The following CDK8 variants were observed in gnomAD, a reference collection of about 807,000 sequenced individuals.
CDK8 encodes cyclin-dependent kinase 8.
In CDK8, 29 loss-of-function variants were observed where a neutral mutation model predicts 71.5. That is an observed-to-expected ratio of 0.41 (90% CI 0.30 to 0.55). The LOEUF (loss-of-function observed/expected upper bound fraction) is 0.55, where lower values mean the gene tolerates loss of function less well. CDK8 is among the 20% of genes least tolerant of loss of function. The probability of loss-of-function intolerance (pLI) is 0.37; values close to 1 mark genes in which losing one functional copy is unlikely to be tolerated. For missense variants in CDK8, 288 were observed against 572.6 expected, an observed-to-expected ratio of 0.50 and a Z score of 5.07; for synonymous variants, 161 against 192.1, an observed-to-expected ratio of 0.84 and a Z score of 1.34.
chr13:26,400,637 C>G, intron 10 of CDK8, 87 bp downstream of exon 10: 1 of 813,744 alleles, frequency 1.2e-6, no homozygotes, highest in Admixed American at 1.9e-5. Flanking sequence ...AGTTGCTCCT[C>G]CTCTTATATG....
chr13:26,280,045 G>T (rs1006492832), intron 1 of CDK8, among the ~76,000 whole-genome samples: 2 of 151,816 alleles, frequency 1.3e-5, no homozygotes, highest in Non-Finnish European at 2.9e-5. Flanking sequence ...ATATATAGAT[G>T]TTTATTATAC....
chr13:26,312,243 A>T (rs1874317878), intron 1 of CDK8, among the ~76,000 whole-genome samples: 1 of 152,202 alleles, frequency 6.6e-6, no homozygotes, highest in Non-Finnish European at 1.5e-5. Context: ...CAATCAGCAG[A>T]ATGTGGGTGG....
At chr13:26,290,618 G>A (rs1430430509) in intron 1 of CDK8, among the ~76,000 whole-genome samples, 1 of 152,122 alleles carries the variant, frequency 6.6e-6, no homozygotes, top group Non-Finnish European at 1.5e-5. Context: ...TAGATTTCTT[G>A]AAGGTTACTT....
chr13:26,295,170 G>A lies in CDK8; in HGVS notation c.128+40401G>A, dbSNP rs372106059. ...CTAGGAAATGTATTAATACTTAAGA[G>A]TAAAGTACCAAAACATTGACTGTAT... On this transcript the variant is annotated intron_variant, in intron 1 of 12. Transcript: ENST00000381527. Among the ~76,000 whole-genome samples, 453 of 152,244 alleles carry A rather than the reference G, an allele frequency of 3.0e-3. 2 individuals carry two copies. Among genetic ancestry groups the A allele is most frequent in the Non-Finnish European group, 4.3e-3 (294 of 68,012 alleles).
chr13:26,353,721 A>T lies in CDK8; in HGVS notation c.316-19A>T, dbSNP rs1026178594. ...TTCCTTTTTTTAAGCTTCTGTTGAT[A>T]TTTTTTTCTTTCTTTCAGCATATAA... On this transcript the variant is annotated intron_variant, in intron 3 of 12. Coordinates refer to ENST00000381527, the MANE Select transcript of CDK8 (RefSeq NM_001260.3). 37 of 1,577,942 alleles carry T rather than the reference A, an allele frequency of 2.3e-5. No homozygotes were observed. The highest frequency in any genetic ancestry group is 3.0e-5 in the Non-Finnish European group (35 of 1,159,008).
chr13:26,289,082 G>A (rs1873170943), intron 1 of CDK8, among the ~76,000 whole-genome samples: 1 of 103,162 alleles, frequency 9.7e-6, no homozygotes, highest in Non-Finnish European at 1.8e-5. Context: ...TTTTGAGACA[G>A]TCTTGCTCTG....
At chr13:26,340,127 T>C (rs1873179067) in intron 2 of CDK8, among the ~76,000 whole-genome samples, 2 of 152,186 alleles carry the variant, frequency 1.3e-5, no homozygotes, top group South Asian at 4.1e-4. Context: ...TTGAATTTTA[T>C]CAAATGCTTT....
At chr13:26,288,352 T>C (rs184930489) in intron 1 of CDK8, among the ~76,000 whole-genome samples, 12 of 152,260 alleles carry the variant, frequency 7.9e-5, no homozygotes, top group African/African-American at 2.6e-4. Context: ...GTTTTTTACA[T>C]TTAGAGTTTT....
chr13:26,402,898 A>G (rs1420043360), intron 12 of CDK8, among the ~76,000 whole-genome samples: 2 of 152,138 alleles, frequency 1.3e-5, no homozygotes, highest in African/African-American at 4.8e-5. Flanking sequence ...TGTGACTATC[A>G]TTTCATGTGT....
At chr13:26,346,046 G>A (rs2137987151) in intron 2 of CDK8, among the ~76,000 whole-genome samples, 1 of 152,274 alleles carries the variant, frequency 6.6e-6, no homozygotes, top group Middle Eastern at 3.4e-3. Flanking sequence ...CTCTTGGGAG[G>A]TATTGGTATT....
intron 1 of CDK8, among the ~76,000 whole-genome samples, chr13:26,289,292 A>C (rs948957713): frequency 2.6e-5 from 4 of 151,914 alleles, no homozygotes; most frequent in African/African-American, 9.7e-5. Context: ...TGACCTCGTG[A>C]ACCGCCTGCC....
rs1876419459 is a variant in CDK8 at position 26,404,447 on chromosome 13, TAAC to T, written c.*371_*373del. On this transcript the variant is annotated 3_prime_UTR_variant, in exon 13 of 13. Transcript: ENST00000381527. ...TTGTATGTGGTGAATTTTTTCAGTGTAACAACATTATCTGACCAATAGTACACA... is the reference window on the plus strand; with the variant it reads ...TTGTATGTGGTGAATTTTTTCAGTGTAACATTATCTGACCAATAGTACACA... 7.4e-6 allele frequency: 2 copies of T among 271,034 alleles called. No homozygotes were observed. The highest frequency in any genetic ancestry group is 4.7e-5 in the Admixed American group (1 of 21,068). The allele number at this position is 271,034 out of a possible 1,614,324, so 16.8% of individuals were successfully genotyped here.
intron 1 of CDK8, among the ~76,000 whole-genome samples, chr13:26,280,294 A>G (rs1264993909): frequency 1.3e-5 from 2 of 152,218 alleles, no homozygotes; most frequent in African/African-American, 4.8e-5. Context: ...ACGAAAAGTA[A>G]CCTTGTGTGA....
chr13:26,399,707 T>G (rs1268412311), intron 9 of CDK8, among the ~76,000 whole-genome samples: 1 of 152,248 alleles, frequency 6.6e-6, no homozygotes, highest in African/African-American at 2.4e-5. Context: ...CTCCATATAT[T>G]AACTCATTTA....
chr13:26,276,509 A>C (rs1187821847), intron 1 of CDK8, among the ~76,000 whole-genome samples: 1 of 152,212 alleles, frequency 6.6e-6, no homozygotes, highest in Non-Finnish European at 1.5e-5. Flanking sequence ...AATGGATGCA[A>C]AACAAGTTTT....
chr13:26,336,752 C>T (rs754156290), intron 1 of CDK8, among the ~76,000 whole-genome samples: 20 of 151,942 alleles, frequency 1.3e-4, no homozygotes, highest in African/African-American at 3.1e-4. Context: ...GACAGGGTTT[C>T]GCCATGTTAG....
chr13:26,343,860 ATTCTAT>A, intron 2 of CDK8, among the ~76,000 whole-genome samples: 1 of 152,192 alleles, frequency 6.6e-6, no homozygotes, highest in Middle Eastern at 3.4e-3. Context: ...TTGTATTCTT[ATTCTAT>A]AAGTTTTTTT....
At chr13:26,332,146 C>T (rs1224049247) in intron 1 of CDK8, among the ~76,000 whole-genome samples, 2 of 151,930 alleles carry the variant, frequency 1.3e-5, no homozygotes, top group Non-Finnish European at 2.9e-5. Context: ...TACTTTTATA[C>T]GTTGATTTTG....
intron 1 of CDK8, among the ~76,000 whole-genome samples, chr13:26,271,806 CTTTTTTTTTTTT>C (rs58160694): frequency 0.012 from 747 of 62,618 alleles, 17 homozygotes; most frequent in Non-Finnish European, 0.015. Context: ...GAGACCCTGT[CTTTTTTTTTTTT>C]TTTTTTTTTT....
Sources: allele counts gnomAD v4.1 joint callset (sites outside exome capture counted in the v4.1 genomes callset), GRCh38; gene constraint gnomAD v4.1.1; transcripts MANE v1.5; gene names NCBI Gene and HGNC (gene_info 2026-07-23, HGNC 2026-07-21).